Variants in DNMBP observed in about 807,000 individuals in gnomAD.
The protein encoded by DNMBP is dynamin-binding protein.
A neutral mutation model predicts 150.0 loss-of-function variants in DNMBP; 87 were observed. The ratio of observed to expected loss-of-function variants is 0.58; its 90% CI spans 0.49 to 0.69. The LOEUF (loss-of-function observed/expected upper bound fraction) is 0.69, where lower values mean the gene tolerates loss of function less well. Among genes scored for constraint, DNMBP ranks in the 30% least tolerant of loss-of-function variants. The probability of loss-of-function intolerance (pLI) is 0.00; values close to 1 mark genes in which losing one functional copy is unlikely to be tolerated. For synonymous variants in DNMBP, 711 were observed against 750.4 expected (o/e 0.95, Z 0.86); for missense variants, 1,774 against 1,949.0 (o/e 0.91, Z 1.69).
intron 4 of DNMBP, chr10:99,930,584 G>C (rs1414481265): frequency 1.4e-6 from 1 of 702,792 alleles, no homozygotes. Context: ...TTTTTCTGTA[G>C]GGCTGATGCT....
chr10:99,917,968 C>CAAAAAAAAAA (rs749252887), intron 4 of DNMBP, among the ~76,000 whole-genome samples: 35 of 51,806 alleles, frequency 6.8e-4, no homozygotes, highest in East Asian at 2.5e-3. Context: ...GACTCTGTCT[C>CAAAAAAAAAA]AAAAAAAAAA....
intron 4 of DNMBP, among the ~76,000 whole-genome samples, chr10:99,935,167 A>C (rs2040214852): frequency 6.6e-6 from 1 of 151,944 alleles, no homozygotes; most frequent in Non-Finnish European, 1.5e-5. Context: ...GAAAAAAGGA[A>C]ATGAGCAGCA....
At chr10:99,998,903 G>A (rs1205579500) in intron 1 of DNMBP, among the ~76,000 whole-genome samples, 1 of 152,174 alleles carries the variant, frequency 6.6e-6, no homozygotes, top group African/African-American at 2.4e-5. Flanking sequence ...ATACATGGAC[G>A]TCAGATGTAT....
chr10:99,964,474 C>T (rs12769742), intron 3 of DNMBP, among the ~76,000 whole-genome samples: 2 of 150,528 alleles, frequency 1.3e-5, no homozygotes, highest in Non-Finnish European at 3.0e-5. Context: ...CTCCACCCCC[C>T]ACCTTTCTTT....
intron 3 of DNMBP, among the ~76,000 whole-genome samples, chr10:99,967,784 C>T (rs1410656338): frequency 1.3e-5 from 2 of 151,750 alleles, no homozygotes; most frequent in South Asian, 2.1e-4. Context: ...TAATAACACA[C>T]CTAATAAGTT....
intron 1 of DNMBP, among the ~76,000 whole-genome samples, chr10:100,003,066 AG>A (rs2041033273): frequency 6.6e-6 from 1 of 152,200 alleles, no homozygotes; most frequent in East Asian, 1.9e-4. Flanking sequence ...AGAATGGGAA[AG>A]GGCTGGGCAC....
At chr10:99,907,903 A>C (rs541872655) in intron 6 of DNMBP, 92 bp downstream of exon 6, 46 of 856,026 alleles carry the variant, frequency 5.4e-5, no homozygotes, top group East Asian at 2.5e-4. Flanking sequence ...ATCTTCCCGG[A>C]GGCATAGTTA....
chr10:99,895,322 T>G (rs370275941), intron 10 of DNMBP, among the ~76,000 whole-genome samples: 19 of 152,258 alleles, frequency 1.2e-4, no homozygotes, highest in East Asian at 9.7e-4. Flanking sequence ...AGATGGGGTT[T>G]CACCATGTTG....
In DNMBP at chr10:99,885,751, G is replaced by A. The variant is rs773700324; in HGVS notation, c.3734C>T (p.Thr1245Ile). ...GGTTTTCCTCTCAAATGGCTTCTTG[G>A]TAGCTGGAAGAGACTCCGGGAAGAA... ...FTFFPESLPA[T>I]KKPFERKTID... Residue 1245 changes from threonine (T) to isoleucine (I), a missense_variant, in exon 14 of 17, where the codon ACC (threonine) becomes ATC (isoleucine). Thr to Ile is a moderately conservative substitution (Grantham distance 89). This residue lies in a region of DNMBP where 1,430 missense variants were observed against 1,492.5 expected (regional missense o/e 0.96). Coordinates refer to ENST00000324109, the MANE Select transcript of DNMBP (RefSeq NM_015221.4). 17 of 1,602,228 alleles carry A rather than the reference G, an allele frequency of 1.1e-5. No homozygotes were observed. Among genetic ancestry groups the A allele is most frequent in the Non-Finnish European group, 1.4e-5 (16 of 1,173,478 alleles).
intron 4 of DNMBP, among the ~76,000 whole-genome samples, chr10:99,916,631 T>C (rs541844969): frequency 1.2e-4 from 17 of 147,792 alleles, no homozygotes; most frequent in African/African-American, 4.2e-4. Flanking sequence ...GGGAGTAAAT[T>C]AAAACTTTAA....
chr10:99,976,796 A>AAG (rs1328729275), intron 1 of DNMBP, among the ~76,000 whole-genome samples: 2 of 151,798 alleles, frequency 1.3e-5, no homozygotes, highest in African/African-American at 4.8e-5. Context: ...AAAAAAAAAA[A>AAG]CACCACACAT....
At chr10:99,958,639 A>T (rs1724620109) in intron 3 of DNMBP, among the ~76,000 whole-genome samples, 1 of 152,232 alleles carries the variant, frequency 6.6e-6, no homozygotes, top group African/African-American at 2.4e-5. Context: ...TGGGCTTGGC[A>T]GCTTTCCCAT....
At position 99,894,942 on chromosome 10, in the gene DNMBP, T is replaced by G; in HGVS notation, c.3156+4A>C. ...AATCTAACTACAGTGATGTTGATGC[T>G]CACCCGGATGTGCTGGAGGTAGAGA... On this transcript the variant is annotated splice_donor_region_variant and intron_variant, in intron 11 of 16. Transcript: ENST00000324109. 1 of 1,605,252 alleles carries G rather than the reference T, an allele frequency of 6.2e-7. No individual in the cohort carries two copies. The highest frequency in any genetic ancestry group is 8.5e-7 in the Non-Finnish European group (1 of 1,172,060).
chr10:99,980,039 C>T (rs1487358482), intron 1 of DNMBP, among the ~76,000 whole-genome samples: 1 of 152,210 alleles, frequency 6.6e-6, no homozygotes, highest in Non-Finnish European at 1.5e-5. Flanking sequence ...AGTCCTGCAG[C>T]CCTTGCTCTT....
rs907742150 is a variant in DNMBP at position 99,896,313 on chromosome 10, T to G, written c.3005A>C (p.Asn1002Thr). ...LNIHSIIKKSNRVSSHLKHLT... is the reference protein window; with the variant it reads ...LNIHSIIKKSTRVSSHLKHLT... ...ATGCTTCAGGTGACTGCTAACTCGG[T>G]TGGATTTCTTGATGATGGAGTGGAT... Residue 1002 changes from asparagine (N) to threonine (T), a missense_variant, in exon 10 of 17, where the codon AAC (asparagine) becomes ACC (threonine). Around this residue, in one of 2 missense-constraint regions of DNMBP, gnomAD observed 1,430 missense variants for 1,492.5 expected, o/e 0.96. Coordinates refer to ENST00000324109, the MANE Select transcript of DNMBP (RefSeq NM_015221.4). 1 of 1,614,070 alleles carries G rather than the reference T, an allele frequency of 6.2e-7. No homozygotes were observed. Among genetic ancestry groups the G allele is most frequent in the Admixed American group, 1.7e-5 (1 of 60,000 alleles).
chr10:99,968,166 G>T (rs2040638769), intron 3 of DNMBP, among the ~76,000 whole-genome samples: 1 of 152,078 alleles, frequency 6.6e-6, no homozygotes, highest in Non-Finnish European at 1.5e-5. Flanking sequence ...ACCATGCCTG[G>T]CTAAGTATGA....
Position 99,955,513 on chromosome 10 carries a change from C to G in DNMBP, c.1961G>C (p.Arg654Thr). ...PAPLPPSAQQ[R>T]TNAVSPKLLS... ...GAGCTTGGGGGATACCGCATTCGTT[C>G]TCTGCTGTGCTGAGGGAGGCAGGGG... is the stretch of plus-strand genomic sequence containing the variant. The change falls in exon 4 of 17, where the codon AGA (arginine) becomes ACA (threonine). Residue 654 changes from arginine to threonine, a missense_variant. By Grantham distance (71) the Arg-to-Thr change is moderately conservative. Around this residue, in one of 2 missense-constraint regions of DNMBP, gnomAD observed 1,430 missense variants for 1,492.5 expected, o/e 0.96. Coordinates refer to ENST00000324109, the MANE Select transcript of DNMBP (RefSeq NM_015221.4). 1 of 1,596,594 alleles carries G rather than the reference C, an allele frequency of 6.3e-7. No individual in the cohort carries two copies. Among genetic ancestry groups the G allele is most frequent in the Non-Finnish European group, 8.5e-7 (1 of 1,171,310 alleles).
chr10:99,879,785 C>T (rs373510297), intron 16 of DNMBP, 26 bp downstream of exon 16: 12 of 1,609,664 alleles, frequency 7.5e-6, no homozygotes, highest in Non-Finnish European at 1.0e-5. Flanking sequence ...GCCTGTGCCA[C>T]AGTGGCAGGC....
intron 1 of DNMBP, among the ~76,000 whole-genome samples, chr10:100,005,745 CT>C (rs1481797421): frequency 1.6e-5 from 2 of 125,766 alleles, no homozygotes; most frequent in African/African-American, 6.2e-5. Context: ...CAGAGTGAGA[CT>C]CTTGTCTCAA....
Sources: gnomAD v4.1 joint callset for allele counts (sites outside exome capture counted in the v4.1 genomes callset) on GRCh38, gnomAD v4.1.1 for gene constraint, gnomAD v4.1.1 regional missense constraint, MANE v1.5 for transcripts, NCBI Gene and HGNC (gene_info 2026-07-23, HGNC 2026-07-21) for gene names.